CA1: variants seen among roughly 807,000 people sequenced by gnomAD.
The protein encoded by CA1 is carbonic anhydrase 1.
In CA1, 27 loss-of-function variants were observed where a neutral mutation model predicts 28.8. That is an observed-to-expected ratio of 0.94 (90% CI 0.69 to 1.29). The LOEUF is 1.29. Among genes scored for constraint, CA1 ranks in the 50% most tolerant of loss-of-function variants. CA1 has a pLI of 0.00. For missense variants in CA1, 335 were observed against 310.5 expected (o/e 1.08, Z -0.59); for synonymous variants, 121 against 108.8 (o/e 1.11, Z -0.70).
intron 2 of CA1, among the ~76,000 whole-genome samples, chr8:85,339,535 C>A (rs117038893): frequency 7.9e-5 from 12 of 152,078 alleles, no homozygotes; most frequent in Non-Finnish European, 1.5e-4. Flanking sequence ...GTTTAATAAC[C>A]CTACAATGAC....
At chr8:85,344,879 G>A (rs1809116321) in intron 1 of CA1, among the ~76,000 whole-genome samples, 1 of 152,118 alleles carries the variant, frequency 6.6e-6, no homozygotes, top group Non-Finnish European at 1.5e-5. Context: ...CTAAAATGAG[G>A]AAATATATAT....
chr8:85,340,758 A>G (rs1218365244), intron 2 of CA1, among the ~76,000 whole-genome samples: 1 of 152,210 alleles, frequency 6.6e-6, no homozygotes, highest in African/African-American at 2.4e-5. Flanking sequence ...TTCCAAAGTC[A>G]TGGATAACTT....
chr8:85,357,013 T>C (rs1447960025), intron 1 of CA1, among the ~76,000 whole-genome samples: 1 of 152,186 alleles, frequency 6.6e-6, no homozygotes, highest in Non-Finnish European at 1.5e-5. Context: ...ACAAATATTA[T>C]ATATGAATGC....
chr8:85,342,377 A>G (rs1047992051), intron 1 of CA1, among the ~76,000 whole-genome samples: 7 of 152,164 alleles, frequency 4.6e-5, no homozygotes, highest in Non-Finnish European at 8.8e-5. Context: ...TTATTATTTT[A>G]TTTCACCATC....
At chr8:85,348,899 A>G (rs1564032887) in intron 1 of CA1, among the ~76,000 whole-genome samples, 1 of 152,200 alleles carries the variant, frequency 6.6e-6, no homozygotes, top group East Asian at 1.9e-4. Flanking sequence ...TTTGTGGGCT[A>G]TGGTTGAAAC....
chr8:85,358,406 CT>C (rs1451951052), intron 1 of CA1, among the ~76,000 whole-genome samples: 5 of 152,132 alleles, frequency 3.3e-5, no homozygotes, highest in Non-Finnish European at 5.9e-5. Flanking sequence ...CTGAAATTAT[CT>C]TTTCTAGTTT....
At chr8:85,362,638 A>C (rs183589394) in intron 1 of CA1, among the ~76,000 whole-genome samples, 3 of 152,260 alleles carry the variant, frequency 2.0e-5, no homozygotes, top group Admixed American at 1.3e-4. Flanking sequence ...CAAAATTGGG[A>C]GTATAATTGT....
intron 1 of CA1, among the ~76,000 whole-genome samples, chr8:85,344,139 AT>A (rs1268941417): frequency 1.4e-5 from 2 of 137,932 alleles, no homozygotes; most frequent in East Asian, 4.0e-4. Flanking sequence ...ATTTATATAT[AT>A]AATTATATAT....
chr8:85,346,623 G>A (rs113407898), intron 1 of CA1, among the ~76,000 whole-genome samples: 6,068 of 152,078 alleles, frequency 0.04, 171 homozygotes, highest in South Asian at 0.083. Context: ...TTAGCCAGGC[G>A]TGATGGTAGG....
intron 6 of CA1, 176 bp downstream of exon 6, chr8:85,332,314 T>A (rs1158236665): frequency 1.7e-6 from 1 of 592,414 alleles, no homozygotes; most frequent in African/African-American, 1.9e-5. Context: ...ACCAAAACAA[T>A]TCCCTGCATT....
At chr8:85,343,783 T>C (rs996082336) in intron 1 of CA1, among the ~76,000 whole-genome samples, 1 of 152,034 alleles carries the variant, frequency 6.6e-6, no homozygotes, top group Non-Finnish European at 1.5e-5. Context: ...TTTATTTCAT[T>C]ATGTACCCAG....
intron 4 of CA1, 42 bp from the exon 5 acceptor site, chr8:85,333,662 T>G (rs1210068054): frequency 7.9e-7 from 1 of 1,270,226 alleles, no homozygotes; most frequent in East Asian, 2.4e-5. Context: ...TATACCAGTG[T>G]GATGAAAAAA....
rs574594081 is a variant in CA1, at chr8:85,365,800, CCTT to C, written c.-25+12243_-25+12245del. Among the ~76,000 whole-genome samples, 1,009 of 152,278 alleles carry C rather than the reference CCTT, an allele frequency of 6.6e-3. 14 individuals carry two copies. The highest frequency in any genetic ancestry group is 0.023 in the African/African-American group (952 of 41,556). ...AATTTCATTGCATATCCATCACCCT[CCTT>C]CTTGCTAGTGCCCTGCAGGTGAGAG... On this transcript the variant is annotated intron_variant, in intron 1 of 7. Transcript: ENST00000523022.
intron 7 of CA1, among the ~76,000 whole-genome samples, chr8:85,328,905 ATTTAAT>A (rs200619142): frequency 0.014 from 2,201 of 152,122 alleles, 51 homozygotes; most frequent in African/African-American, 0.05. Context: ...AATAAAGCAA[ATTTAAT>A]TATTTGCTTT....
intron 1 of CA1, chr8:85,343,021 G>T (rs1486526186): frequency 6.6e-6 from 1 of 152,004 alleles, no homozygotes; most frequent in African/African-American, 2.4e-5. Context: ...GCTTAAAAGA[G>T]AATTCTTTTT....
At chr8:85,358,029 A>C (rs1294302851) in intron 1 of CA1, among the ~76,000 whole-genome samples, 1 of 152,238 alleles carries the variant, frequency 6.6e-6, no homozygotes, top group African/African-American at 2.4e-5. Context: ...ATACAGAAAC[A>C]ACTCTATCTT....
At chr8:85,357,637 A>G (rs1809651722) in intron 1 of CA1, among the ~76,000 whole-genome samples, 2 of 152,260 alleles carry the variant, frequency 1.3e-5, no homozygotes, top group Non-Finnish European at 2.9e-5. Flanking sequence ...TATGAATTCC[A>G]GCAGACTTCC....
Position 85,338,259 on chromosome 8 carries a change from G to T in CA1, c.228C>A (p.Asn76Lys), listed in dbSNP as rs745607190. The T allele has an allele frequency of 6.2e-7, 1 of 1,613,076 alleles. No individual in the cohort carries two copies. Among genetic ancestry groups the T allele is most frequent in the East Asian group, 2.2e-5 (1 of 44,858 alleles). ...AAGGGTCTTTCAGCTCACCTGATCG[G>T]TTATCGTTGTCCTCAAAATTTACAT... Reference protein sequence around the residue: ...SFHVNFEDNDNRSVLKGGPFS... With the variant: ...SFHVNFEDNDKRSVLKGGPFS... Residue 76 changes from asparagine to lysine, a missense_variant, in exon 3 of 8, where the codon AAC (asparagine) becomes AAA (lysine). Physicochemically the swap from Asn to Lys is moderately conservative, Grantham distance 94. Coordinates refer to ENST00000523022, the MANE Select transcript of CA1 (RefSeq NM_001128831.4).
chr8:85,372,542 C>G (rs1810266632), intron 1 of CA1, among the ~76,000 whole-genome samples: 1 of 152,110 alleles, frequency 6.6e-6, no homozygotes, highest in Non-Finnish European at 1.5e-5. Flanking sequence ...CAGTGTTATT[C>G]ACAATATTCC....
Sources: gnomAD v4.1 joint callset for allele counts (sites outside exome capture counted in the v4.1 genomes callset) on GRCh38, gnomAD v4.1.1 for gene constraint, MANE v1.5 for transcripts, NCBI Gene and HGNC (gene_info 2026-07-23, HGNC 2026-07-21) for gene names.